LOXHD1: variants seen among roughly 807,000 people sequenced by gnomAD.
The protein encoded by LOXHD1 is lipoxygenase homology PLAT domains 1, also known as lipoxygenase homology domain-containing protein 1.
LOXHD1 carries 205 observed loss-of-function variants against 248.2 expected under a neutral mutation model. The observed-to-expected ratio is 0.83, with a 90% CI of 0.74 to 0.93. LOXHD1 has a LOEUF of 0.93. LOXHD1 is among the 40% of genes least tolerant of loss of function. LOXHD1 has a pLI of 0.00. For missense variants in LOXHD1, 2,930 were observed against 2,971.6 expected (o/e 0.99, Z 0.33); for synonymous variants, 1,113 against 1,162.8 (o/e 0.96, Z 0.87).
intron 2 of LOXHD1, among the ~76,000 whole-genome samples, chr18:46,642,293 A>G (rs1159227980): frequency 6.6e-6 from 1 of 152,212 alleles, no homozygotes; most frequent in East Asian, 1.9e-4. Context: ...CACACAGACA[A>G]TATCAGCCCC....
At chr18:46,628,715 T>C (rs2038779397) in intron 4 of LOXHD1, among the ~76,000 whole-genome samples, 1 of 152,162 alleles carries the variant, frequency 6.6e-6, no homozygotes, top group South Asian at 2.1e-4. Flanking sequence ...AAGGGAAACA[T>C]CAGGAGCTTA....
chr18:46,524,346 T>A (rs2035720280), intron 31 of LOXHD1, 120 bp downstream of exon 31: 1 of 1,364,264 alleles, frequency 7.3e-7, no homozygotes, highest in Non-Finnish European at 9.9e-7. Flanking sequence ...ACTATGTAAA[T>A]GACTAAGTGT....
At chr18:46,479,224 GTATA>G (rs1274699196) in intron 40 of LOXHD1, among the ~76,000 whole-genome samples, 59 of 101,714 alleles carry the variant, frequency 5.8e-4, no homozygotes, top group African/African-American at 2.3e-3. Context: ...CAAAGAGTTT[GTATA>G]TATATGTATG....
chr18:46,544,498 G>T (rs1175850228), intron 23 of LOXHD1, among the ~76,000 whole-genome samples: 1 of 152,176 alleles, frequency 6.6e-6, no homozygotes, highest in Non-Finnish European at 1.5e-5. Flanking sequence ...TATATTATCT[G>T]CTTTATCCAA....
At chr18:46,618,334 G>T (rs2038619299) in intron 4 of LOXHD1, 44 bp from the exon 5 acceptor site, 1 of 1,394,730 alleles carries the variant, frequency 7.2e-7, no homozygotes, top group Non-Finnish European at 9.9e-7. Flanking sequence ...TCAGGATCCT[G>T]AAAAGAGAAT....
intron 29 of LOXHD1, among the ~76,000 whole-genome samples, chr18:46,528,059 G>A (rs2035902552): frequency 6.6e-6 from 1 of 152,132 alleles, no homozygotes; most frequent in African/African-American, 2.4e-5. Context: ...CTAATCCCAG[G>A]GCTAATATCC....
At chr18:46,560,052 T>TGG in intron 19 of LOXHD1, 31 bp downstream of exon 19, 92 of 441,008 alleles carry the variant, frequency 2.1e-4, no homozygotes, top group Non-Finnish European at 2.9e-4. Context: ...GGCCACTCCC[T>TGG]CCCCACCCCC....
chr18:46,546,774 G>C, intron 22 of LOXHD1, 121 bp downstream of exon 22: 1 of 1,141,730 alleles, frequency 8.8e-7, no homozygotes, highest in Non-Finnish European at 1.2e-6. Flanking sequence ...CAATACAATA[G>C]ACTGTCAAGG....
intron 10 of LOXHD1, 77 bp from the exon 11 acceptor site, chr18:46,592,661 G>T: frequency 8.2e-7 from 1 of 1,225,104 alleles, no homozygotes; most frequent in Non-Finnish European, 1.2e-6. Context: ...CCCACTCTCA[G>T]GAGGGTACCT....
intron 29 of LOXHD1, among the ~76,000 whole-genome samples, chr18:46,527,938 T>G (rs1057167644): frequency 2.6e-5 from 4 of 152,192 alleles, no homozygotes; most frequent in Non-Finnish European, 4.4e-5. Context: ...ATGGGAGTGC[T>G]GGGGGGTCTG....
rs1030355039 is a variant in LOXHD1 at position 46,541,879 on chromosome 18, G to A, written c.3810C>T (p.Cys1270=). The A allele has an allele frequency of 6.4e-7, 1 of 1,551,728 alleles. No homozygotes were observed. The highest frequency in any genetic ancestry group is 1.2e-5 in the South Asian group (1 of 84,060). Residue 1270 remains cysteine, a synonymous_variant, in exon 25 of 41, where the codon TGC becomes TGT. Transcript: ENST00000642948. ...GCCAGCGGCCACAGGGAAACGTCAT[G>A]CACTTCCCAAGAGATGGGGCATCCA... The part of the protein sequence containing the change: ...VEVDAPSLGK[C]MTFPCGRWLA...
chr18:46,526,922 T>C (rs960223506), intron 29 of LOXHD1, among the ~76,000 whole-genome samples: 2 of 151,908 alleles, frequency 1.3e-5, no homozygotes, highest in African/African-American at 4.8e-5. Context: ...GGGAGAGGGG[T>C]GTCCAAGATG....
chr18:46,632,433 C>A (rs1161115456), intron 4 of LOXHD1, among the ~76,000 whole-genome samples: 6 of 152,212 alleles, frequency 3.9e-5, no homozygotes, highest in Non-Finnish European at 1.5e-5. Flanking sequence ...GCATTGCCAA[C>A]AGCAGCTGCT....
At position 46,618,262 on chromosome 18, in the gene LOXHD1, A is replaced by G; in HGVS notation, c.540T>C (p.Thr180=). 1 of 1,551,364 alleles carries G rather than the reference A, an allele frequency of 6.4e-7. No individual in the cohort carries two copies. Among genetic ancestry groups the G allele is most frequent in the Non-Finnish European group, 8.7e-7 (1 of 1,146,712 alleles). Residue 180 remains threonine (T), a synonymous_variant, in exon 5 of 41, where the codon ACT becomes ACC. Coordinates refer to ENST00000642948, the MANE Select transcript of LOXHD1 (RefSeq NM_001384474.1). ...RGNKYEVKVY[T]GDVIGAGTDA... is the part of the protein sequence containing the mutation. ...CTGTCCCTGCACCAATTACATCACC[A>G]GTGTATACCTTGACTTCATACTTAT...
chr18:46,489,183 C>A (rs752893815), intron 37 of LOXHD1, 41 bp from the exon 38 acceptor site: 2 of 1,545,830 alleles, frequency 1.3e-6, no homozygotes, highest in Admixed American at 2.0e-5. Flanking sequence ...CTGGATGTGC[C>A]TTCCCTCCCC....
At chr18:46,524,667 G>T in intron 30 of LOXHD1, 41 bp downstream of exon 30, 1 of 1,551,334 alleles carries the variant, frequency 6.4e-7, no homozygotes, top group South Asian at 1.2e-5. Flanking sequence ...CCTCCCCTAG[G>T]CATGAGGATG....
rs904345641 is a variant in LOXHD1 at position 46,649,133 on chromosome 18, C to T, written c.245+22G>A. On this transcript the variant is annotated intron_variant, in intron 2 of 40. Coordinates refer to ENST00000642948, the MANE Select transcript of LOXHD1 (RefSeq NM_001384474.1). ...ACAGGACTAATGGCCCAGGATCCCA[C>T]CAAGGCCAAGTGGGTACTCACTTGC... 1.9e-6 allele frequency: 3 copies of T among 1,546,448 alleles called. No homozygotes were observed. The African/African-American group carries it at 4.1e-5, about 21-fold the overall frequency.
At chr18:46,527,394 T>A (rs773078429) in intron 29 of LOXHD1, among the ~76,000 whole-genome samples, 1 of 152,194 alleles carries the variant, frequency 6.6e-6, no homozygotes, top group Non-Finnish European at 1.5e-5. Flanking sequence ...CTTGACAACA[T>A]CCAGCACAAA....
intron 4 of LOXHD1, among the ~76,000 whole-genome samples, chr18:46,637,043 G>T (rs1233550961): frequency 6.6e-6 from 1 of 152,212 alleles, no homozygotes; most frequent in African/African-American, 2.4e-5. Flanking sequence ...CTACTCAGGA[G>T]GCTGAGGCAA....
Sources: allele counts gnomAD v4.1 joint callset (sites outside exome capture counted in the v4.1 genomes callset), GRCh38; gene constraint gnomAD v4.1.1; transcripts MANE v1.5; gene names NCBI Gene and HGNC (gene_info 2026-07-23, HGNC 2026-07-21).